The following RPS6KC1 variants were observed in gnomAD, a reference collection of about 807,000 sequenced individuals.
RPS6KC1 encodes the protein ribosomal protein S6 kinase C1.
A neutral mutation model predicts 103.8 loss-of-function variants in RPS6KC1; 54 were observed. That is an observed-to-expected ratio of 0.52 (90% CI 0.42 to 0.65). RPS6KC1 has a LOEUF of 0.65. Among genes scored for constraint, RPS6KC1 ranks in the 30% least tolerant of loss-of-function variants. RPS6KC1 has a pLI of 0.00. For synonymous variants in RPS6KC1, 439 were observed against 438.7 expected, an observed-to-expected ratio of 1.00 and a Z score of -0.01; for missense variants, 1,151 against 1,253.8, an observed-to-expected ratio of 0.92 and a Z score of 1.24.
chr1:213,454,120 A>T, the RPS6KC1 span, among the ~76,000 whole-genome samples: 8 of 150,184 alleles, frequency 5.3e-5, no homozygotes, highest in Admixed American at 3.3e-4. Flanking sequence ...TCAAAAGTTT[A>T]TTAATATATG....
At chr1:213,584,980 G>A in the RPS6KC1 span, among the ~76,000 whole-genome samples, 3 of 152,294 alleles carry the variant, frequency 2.0e-5, no homozygotes, top group Non-Finnish European at 4.4e-5. Context: ...CTTAGTATTA[G>A]GGCATGTGAG....
the RPS6KC1 span, among the ~76,000 whole-genome samples, chr1:213,855,407 C>CT: frequency 6.6e-6 from 1 of 152,224 alleles, no homozygotes; most frequent in Non-Finnish European, 1.5e-5. Flanking sequence ...TAGGCTGACT[C>CT]TAACTCCACA....
intron 4 of RPS6KC1, among the ~76,000 whole-genome samples, chr1:213,112,218 A>G (rs2083093415): frequency 6.6e-6 from 1 of 152,138 alleles, no homozygotes; most frequent in Admixed American, 6.6e-5. Flanking sequence ...GGTAGAAGGT[A>G]GAGGGGAAGG....
chr1:213,659,523 T>A, the RPS6KC1 span, among the ~76,000 whole-genome samples: 1 of 152,166 alleles, frequency 6.6e-6, no homozygotes, highest in East Asian at 1.9e-4. Flanking sequence ...ATGGTCATCA[T>A]CACGTACAAC....
chr1:213,834,965 A>G, the RPS6KC1 span, among the ~76,000 whole-genome samples: 4 of 152,346 alleles, frequency 2.6e-5, no homozygotes, highest in Admixed American at 1.3e-4. Flanking sequence ...GGGAGAGGGA[A>G]ATAGATAATA....
the RPS6KC1 span, among the ~76,000 whole-genome samples, chr1:213,356,992 G>T: frequency 6.6e-6 from 1 of 152,190 alleles, no homozygotes; most frequent in African/African-American, 2.4e-5. Flanking sequence ...GGTCACCAGG[G>T]CTGCTGTGGG....
the RPS6KC1 span, among the ~76,000 whole-genome samples, chr1:213,629,792 C>A: frequency 6.6e-6 from 1 of 152,160 alleles, no homozygotes; most frequent in East Asian, 1.9e-4. Flanking sequence ...GTGACAAAAT[C>A]TCTCAGCATT....
chr1:213,129,505 A>T, intron 5 of RPS6KC1, 22 bp from the exon 6 acceptor site: 1 of 1,564,330 alleles, frequency 6.4e-7, no homozygotes, highest in Non-Finnish European at 8.6e-7. Context: ...ATATCTGTTT[A>T]CTATTGTGAT....
chr1:213,663,936 G>A, the RPS6KC1 span, among the ~76,000 whole-genome samples: 88 of 152,298 alleles, frequency 5.8e-4, no homozygotes, highest in African/African-American at 2.0e-3. Flanking sequence ...TTCCATGCAT[G>A]GTGCACTAGG....
At chr1:213,805,472 ACTTT>A in the RPS6KC1 span, among the ~76,000 whole-genome samples, 2 of 152,160 alleles carry the variant, frequency 1.3e-5, no homozygotes, top group Non-Finnish European at 2.9e-5. Flanking sequence ...CAAAAAAACC[ACTTT>A]CTTTGCTCAT....
the RPS6KC1 span, among the ~76,000 whole-genome samples, chr1:213,814,215 C>T: frequency 2.6e-5 from 4 of 152,238 alleles, no homozygotes; most frequent in African/African-American, 4.8e-5. Context: ...CTGCAATACT[C>T]CTGCCTTCCG....
chr1:213,418,268 C>G, the RPS6KC1 span, among the ~76,000 whole-genome samples: 1 of 152,112 alleles, frequency 6.6e-6, no homozygotes, highest in South Asian at 2.1e-4. Context: ...GTGCAAGGTG[C>G]CCAGGGTCGT....
At chr1:213,090,360 GC>G (rs2080853274) in intron 3 of RPS6KC1, among the ~76,000 whole-genome samples, 1 of 152,124 alleles carries the variant, frequency 6.6e-6, no homozygotes. Flanking sequence ...TCCAGAGACT[GC>G]TTTGGTGTTA....
the RPS6KC1 span, among the ~76,000 whole-genome samples, chr1:213,639,196 T>G: frequency 0.14 from 21,413 of 152,140 alleles, 2,385 homozygotes; most frequent in African/African-American, 0.31. Context: ...TGACATTGTA[T>G]CCTATAACCT....
At chr1:213,154,426 C>T (rs753700944) in intron 6 of RPS6KC1, among the ~76,000 whole-genome samples, 42 of 152,322 alleles carry the variant, frequency 2.8e-4, no homozygotes, top group Admixed American at 9.8e-4. Flanking sequence ...GAAGTCTACC[C>T]GGTGTTATCT....
chr1:213,819,040 G>A, the RPS6KC1 span: 4 of 152,180 alleles, frequency 2.6e-5, no homozygotes, highest in African/African-American at 4.8e-5. Context: ...TACATTTGTT[G>A]AGTGCTTTCA....
chr1:213,621,711 A>G, the RPS6KC1 span, among the ~76,000 whole-genome samples: 2 of 152,188 alleles, frequency 1.3e-5, no homozygotes, highest in Non-Finnish European at 2.9e-5. Context: ...ATGCAAAGTG[A>G]AAATGTGGGG....
the RPS6KC1 span, among the ~76,000 whole-genome samples, chr1:213,302,918 T>G: frequency 6.6e-6 from 1 of 152,254 alleles, no homozygotes; most frequent in African/African-American, 2.4e-5. Flanking sequence ...ACATTGCCCA[T>G]GTACCAGAAA....
At chr1:213,460,804 T>C in the RPS6KC1 span, among the ~76,000 whole-genome samples, 1 of 152,106 alleles carries the variant, frequency 6.6e-6, no homozygotes, top group Non-Finnish European at 1.5e-5. Flanking sequence ...AATCTCTCAG[T>C]ATTTGCTTGT....
Sources: gnomAD v4.1 joint callset for allele counts (sites outside exome capture counted in the v4.1 genomes callset) on GRCh38, gnomAD v4.1.1 for gene constraint, MANE v1.5 for transcripts, NCBI Gene and HGNC (gene_info 2026-07-23, HGNC 2026-07-21) for gene names.